The following MED13L variants were observed in gnomAD, a reference collection of about 807,000 sequenced individuals.
The protein encoded by MED13L is mediator complex subunit 13L.
In MED13L, 7 loss-of-function variants were observed where a neutral mutation model predicts 220.9. The ratio of observed to expected loss-of-function variants is 0.03; its 90% CI spans 0.02 to 0.06. The LOEUF is 0.06. MED13L is among the 10% of genes least tolerant of loss of function. The pLI is 1.00. For synonymous variants in MED13L, 1,011 were observed against 1,015.2 expected, an observed-to-expected ratio of 1.00 and a Z score of 0.08; for missense variants, 1,965 against 2,760.5, an observed-to-expected ratio of 0.71 and a Z score of 6.46.
chr12:116,191,091 CAAAA>C (rs558125739), intron 2 of MED13L, among the ~76,000 whole-genome samples: 2 of 65,998 alleles, frequency 3.0e-5, no homozygotes, highest in East Asian at 4.8e-4. Flanking sequence ...GACTCTGTCT[CAAAA>C]AAAAAAAAAA....
intron 4 of MED13L, among the ~76,000 whole-genome samples, chr12:116,084,716 C>T (rs1284821735): frequency 6.0e-5 from 9 of 150,170 alleles, no homozygotes; most frequent in Admixed American, 3.3e-4. Context: ...ACCCAAGAGG[C>T]GGAGGTTGCA....
intron 1 of MED13L, among the ~76,000 whole-genome samples, chr12:116,273,700 T>C (rs889772761): frequency 1.6e-4 from 24 of 152,204 alleles, no homozygotes; most frequent in African/African-American, 5.5e-4. Flanking sequence ...CAATTATCCA[T>C]AGTCAGGAAG....
At chr12:116,078,141 CAAAAAAAAA>C (rs924705816) in intron 4 of MED13L, among the ~76,000 whole-genome samples, 1 of 58,718 alleles carries the variant, frequency 1.7e-5, no homozygotes, top group African/African-American at 6.2e-5. Flanking sequence ...GACTCTGTCT[CAAAAAAAAA>C]AAAAAAAAAA....
At chr12:116,266,010 G>A (rs1872804645) in intron 1 of MED13L, among the ~76,000 whole-genome samples, 1 of 152,156 alleles carries the variant, frequency 6.6e-6, no homozygotes, top group Non-Finnish European at 1.5e-5. Context: ...ATTAAATAGT[G>A]CATGCAGATC....
chr12:116,004,129 T>C (rs1488860796), intron 13 of MED13L, among the ~76,000 whole-genome samples: 1 of 152,232 alleles, frequency 6.6e-6, no homozygotes, highest in Non-Finnish European at 1.5e-5. Flanking sequence ...ATGGTGGTCA[T>C]GAACAGATCA....
chr12:116,231,763 C>A (rs896101972), intron 2 of MED13L, among the ~76,000 whole-genome samples: 1 of 151,914 alleles, frequency 6.6e-6, no homozygotes, highest in African/African-American at 2.4e-5. Flanking sequence ...TATTTAGGGG[C>A]AAAGGTCCGT....
Position 116,005,882 on chromosome 12 carries a change from T to C in MED13L, c.2456A>G (p.Asp819Gly). 1 of 1,613,928 alleles carries C rather than the reference T, an allele frequency of 6.2e-7. No individual in the cohort carries two copies. The highest frequency in any genetic ancestry group is 8.5e-7 in the Non-Finnish European group (1 of 1,179,816). The stretch of plus-strand genomic sequence containing the variant: ...CGGCAAACTCACCCCAAGTTCGTCG[T>C]CATCAGAATTATCAAAGATGTTGTC... ...DLDNIFDNSD[D>G]DELGAVSPAL... The change falls in exon 13 of 31, where the codon GAC (aspartate) becomes GGC (glycine). Residue 819 changes from aspartate to glycine, a missense_variant. Transcript: ENST00000281928.
At chr12:116,266,006 T>C (rs1872804283) in intron 1 of MED13L, among the ~76,000 whole-genome samples, 2 of 152,360 alleles carry the variant, frequency 1.3e-5, no homozygotes, top group East Asian at 1.9e-4. Flanking sequence ...AGAAATTAAA[T>C]AGTGCATGCA....
At position 116,019,906 on chromosome 12, in the gene MED13L, G is replaced by C; in HGVS notation, c.692C>G (p.Ala231Gly). The C allele has an allele frequency of 6.2e-7, 1 of 1,613,752 alleles. No individual in the cohort carries two copies. Among genetic ancestry groups the C allele is most frequent in the East Asian group, 2.2e-5 (1 of 44,854 alleles). ...TGQAYKMSDP[A>G]TRKLIEEWQY... ...CCATTCCTCAATCAACTTACGAGTG[G>C]CTGGGTCTGACATCTTGTATGCTTG... Residue 231 changes from alanine (A) to glycine (G), a missense_variant, in exon 6 of 31, where the codon GCC becomes GGC. Ala to Gly is a moderately conservative substitution (Grantham distance 60). Transcript: ENST00000281928.
At chr12:116,121,828 G>A (rs940510221) in intron 2 of MED13L, among the ~76,000 whole-genome samples, 2 of 152,058 alleles carry the variant, frequency 1.3e-5, no homozygotes, top group Non-Finnish European at 2.9e-5. Context: ...TTCAGCAACG[G>A]CATTGGCCAC....
Position 115,961,044 on chromosome 12 carries a change from C to T in MED13L, c.*222G>A, listed in dbSNP as rs897557506. ...CACCACCGCACTGGCTGAAAGTCAC[C>T]ACTTATGGAAGTTTCCAGGTCCATG... is the stretch of plus-strand genomic sequence containing the variant. On this transcript the variant is annotated 3_prime_UTR_variant, in exon 31 of 31. Coordinates refer to ENST00000281928, the MANE Select transcript of MED13L (RefSeq NM_015335.5). The T allele has an allele frequency of 4.8e-6, 3 of 621,720 alleles. No homozygotes were observed. Among genetic ancestry groups the T allele is most frequent in the African/African-American group, 1.8e-5 (1 of 54,874 alleles). The allele number at this position is 621,720 out of a possible 1,614,324, so 38.5% of individuals were successfully genotyped here.
At chr12:116,236,109 G>C (rs1011589486) in intron 2 of MED13L, among the ~76,000 whole-genome samples, 4 of 152,138 alleles carry the variant, frequency 2.6e-5, no homozygotes, top group Non-Finnish European at 2.9e-5. Flanking sequence ...ACAGAATCCA[G>C]ATGTTCTGAA....
chr12:116,027,401 G>A (rs1283169368), intron 4 of MED13L, among the ~76,000 whole-genome samples: 1 of 152,128 alleles, frequency 6.6e-6, no homozygotes, highest in Non-Finnish European at 1.5e-5. Context: ...CAGCCGGGGT[G>A]ACAGAGAGAC....
chr12:116,048,653 G>A (rs1450934049), intron 4 of MED13L, among the ~76,000 whole-genome samples: 2 of 147,426 alleles, frequency 1.4e-5, no homozygotes, highest in African/African-American at 5.0e-5. Context: ...ATGAAATTTT[G>A]TTTTTTTTTT....
chr12:116,208,903 A>C (rs945265902), intron 2 of MED13L, among the ~76,000 whole-genome samples: 1 of 152,082 alleles, frequency 6.6e-6, no homozygotes, highest in African/African-American at 2.4e-5. Flanking sequence ...CCAGAGTTTG[A>C]GGTGTCACAG....
At chr12:116,218,544 G>A (rs555905245) in intron 2 of MED13L, among the ~76,000 whole-genome samples, 1 of 151,956 alleles carries the variant, frequency 6.6e-6, no homozygotes, top group Non-Finnish European at 1.5e-5. Flanking sequence ...TCGGTCTTCA[G>A]GGAAAAGTTT....
intron 2 of MED13L, among the ~76,000 whole-genome samples, chr12:116,205,604 C>T (rs1303202847): frequency 6.7e-6 from 1 of 150,152 alleles, no homozygotes; most frequent in African/African-American, 2.5e-5. Context: ...TGTTTTTGGC[C>T]AGAGGGAGGG....
At chr12:116,176,857 GC>G (rs1385390878) in intron 2 of MED13L, among the ~76,000 whole-genome samples, 3 of 131,998 alleles carry the variant, frequency 2.3e-5, no homozygotes, top group Non-Finnish European at 1.5e-5. Flanking sequence ...TGGTACATAT[GC>G]AGAATCGAGA....
chr12:116,015,301 T>C (rs775638388), intron 7 of MED13L, 27 bp from the exon 8 acceptor site: 2 of 1,612,904 alleles, frequency 1.2e-6, no homozygotes, highest in South Asian at 1.1e-5. Flanking sequence ...TTTGGAATGT[T>C]AGGATTTTCT....
Sources: gnomAD v4.1 joint callset for allele counts (sites outside exome capture counted in the v4.1 genomes callset) on GRCh38, gnomAD v4.1.1 for gene constraint, MANE v1.5 for transcripts, NCBI Gene and HGNC (gene_info 2026-07-23, HGNC 2026-07-21) for gene names.